Variants in PPM1A observed in about 807,000 individuals in gnomAD.
The protein encoded by PPM1A is protein phosphatase 1A.
In PPM1A, 7 loss-of-function variants were observed where a neutral mutation model predicts 35.0. That is an observed-to-expected ratio of 0.20 (90% CI 0.11 to 0.38). The LOEUF is 0.38. Ranked by LOEUF, PPM1A falls within the 10% of genes least tolerant of loss-of-function variation. PPM1A has a pLI of 1.00. For missense variants in PPM1A, 239 were observed against 467.8 expected (o/e 0.51, Z 4.51); for synonymous variants, 153 against 167.3 (o/e 0.91, Z 0.66).
At chr14:60,291,327 C>G in intron 4 of PPM1A, 70 bp from the exon 5 acceptor site, 2 of 1,066,846 alleles carry the variant, frequency 1.9e-6, no homozygotes, top group Non-Finnish European at 1.4e-6. Context: ...TTAATAAACA[C>G]CTGGCTATGA....
At chr14:60,267,256 A>G (rs1884496193) in intron 1 of PPM1A, 1 of 152,046 alleles carries the variant, frequency 6.6e-6, no homozygotes, top group African/African-American at 2.4e-5. Context: ...TTTCCTGGGA[A>G]TTGTTCTAGT....
In PPM1A at chr14:60,280,869, C is replaced by T. The variant is rs147595401; in HGVS notation, c.-20-1815C>T. ...TTTTTCAAAAAGTCCACAGATAATT[C>T]TGTTGCACAGCCATGGTAGAGACCC... On this transcript the variant is annotated intron_variant, in intron 1 of 5. Transcript: ENST00000395076. Among the ~76,000 whole-genome samples, 526 of 152,334 alleles carry T rather than the reference C, an allele frequency of 3.5e-3. 6 individuals are homozygous for T. The highest frequency in any genetic ancestry group is 0.012 in the African/African-American group (509 of 41,584).
chr14:60,255,820 TC>T (rs1233267174), intron 1 of PPM1A, among the ~76,000 whole-genome samples: 1 of 152,222 alleles, frequency 6.6e-6, no homozygotes, highest in Non-Finnish European at 1.5e-5. Context: ...GGTTGACTGA[TC>T]CTGGACCTAC....
intron 1 of PPM1A, among the ~76,000 whole-genome samples, chr14:60,281,952 ATATAAT>A (rs1307623704): frequency 6.6e-6 from 1 of 152,238 alleles, no homozygotes; most frequent in Non-Finnish European, 1.5e-5. Context: ...TTATGTATAT[ATATAAT>A]TGCTTGCAAC....
chr14:60,274,392 C>T (rs1021257567), intron 1 of PPM1A, among the ~76,000 whole-genome samples: 1 of 151,928 alleles, frequency 6.6e-6, no homozygotes, highest in African/African-American at 2.4e-5. Context: ...AAGAGAGGCA[C>T]ATGGGTAGCT....
intron 1 of PPM1A, among the ~76,000 whole-genome samples, chr14:60,253,715 ATT>A (rs1882713781): frequency 6.6e-6 from 1 of 152,212 alleles, no homozygotes; most frequent in East Asian, 1.9e-4. Context: ...AAAGCTAAAC[ATT>A]TTATGTCTTC....
intron 3 of PPM1A, chr14:60,288,006 C>T: frequency 2.0e-6 from 2 of 980,186 alleles, no homozygotes; most frequent in Non-Finnish European, 2.4e-6. Context: ...AGTCTTTTTA[C>T]AATTCTAAGT....
At chr14:60,286,309 A>G (rs1886999527) in intron 3 of PPM1A, 3 of 985,802 alleles carry the variant, frequency 3.0e-6, no homozygotes, top group South Asian at 4.7e-5. Flanking sequence ...AAAAGACATA[A>G]TATTTCTCCA....
intron 1 of PPM1A, among the ~76,000 whole-genome samples, chr14:60,269,294 A>G (rs1042382481): frequency 1.3e-5 from 2 of 152,120 alleles, no homozygotes; most frequent in Non-Finnish European, 2.9e-5. Context: ...GCATGAATCT[A>G]TCTTTAAATA....
chr14:60,249,362 G>T lies in PPM1A; in HGVS notation c.-336G>T, dbSNP rs1354437627. ...TCCGGAACGGGTGGTTGGGGAGGGG[G>T]GGGTGGGGGGACTCTAGACAGCTGA... On this transcript the variant is annotated 5_prime_UTR_variant, in exon 1 of 6. Transcript: ENST00000395076. The surrounding 1 kb of genome is among the most constrained non-coding windows in gnomAD (Gnocchi z 4.5). The T allele has an allele frequency of 5.1e-6, 5 of 978,622 alleles. No homozygotes were observed. The African/African-American group carries it at 7.0e-5, about 14-fold the overall frequency. 60.6% of individuals were successfully genotyped at this position (978,622 alleles called of 1,614,324 possible). A position where few individuals can be genotyped will look rare whatever the true frequency, so the allele number is the denominator to read the frequency against.
upstream of PPM1A, chr14:60,249,167 GA>G: frequency 1.1e-6 from 1 of 930,450 alleles, no homozygotes; most frequent in Middle Eastern, 5.4e-4. The surrounding 1 kb of genome is among the most constrained non-coding windows in gnomAD (Gnocchi z 4.5). Flanking sequence ...GGGGCGAGCG[GA>G]GGGGTGGGGG....
intron 1 of PPM1A, among the ~76,000 whole-genome samples, chr14:60,252,169 T>G (rs1221960891): frequency 6.6e-6 from 1 of 152,224 alleles, no homozygotes; most frequent in African/African-American, 2.4e-5. Flanking sequence ...ACAGCTGATT[T>G]TGGTTTAACT....
intron 1 of PPM1A, among the ~76,000 whole-genome samples, chr14:60,251,375 G>A (rs1472098847): frequency 1.3e-5 from 2 of 152,142 alleles, no homozygotes; most frequent in Admixed American, 1.3e-4. Context: ...TATTTGGCTT[G>A]TATCTTTTTA....
chr14:60,282,723 A>T lies in PPM1A; in HGVS notation c.20A>T (p.Lys7Met). MGAFLD[K>M]PKMEKHNAQG... ...GACATAATGGGAGCATTTTTAGACA[A>T]GCCAAAGATGGAAAAGCATAATGCC... is the stretch of plus-strand genomic sequence containing the variant. The change falls in exon 2 of 6, where the codon AAG becomes ATG. Residue 7 changes from lysine (K) to methionine (M), a missense_variant. Lys to Met is a moderately conservative substitution (Grantham distance 95, BLOSUM62 -1). Coordinates refer to ENST00000395076, the MANE Select transcript of PPM1A (RefSeq NM_021003.5). This position sits in a 1 kb window ranked among gnomAD's most constrained non-coding sequence, Gnocchi z 5.1. The T allele has an allele frequency of 6.2e-7, 1 of 1,614,240 alleles. No homozygotes were observed. Among genetic ancestry groups the T allele is most frequent in the Non-Finnish European group, 8.5e-7 (1 of 1,180,040 alleles).
Position 60,268,219 on chromosome 14 carries a change from T to C in PPM1A, c.-20-14465T>C, listed in dbSNP as rs541996277. ...AACCTGGAGTGGTTCTTTAGTCTTTTTGCATTTTGTTTTTCATGAGCTCTG... is the reference window on the plus strand; with the variant it reads ...AACCTGGAGTGGTTCTTTAGTCTTTCTGCATTTTGTTTTTCATGAGCTCTG... On this transcript the variant is annotated intron_variant, in intron 1 of 5. Coordinates refer to ENST00000395076, the MANE Select transcript of PPM1A (RefSeq NM_021003.5). The C allele has an allele frequency of 3.9e-5, 33 of 855,010 alleles. No homozygotes were observed. In the East Asian group the frequency reaches 2.5e-3, roughly 64 times the overall value. The allele number at this position is 855,010 out of a possible 1,614,324, so 53.0% of individuals were successfully genotyped here. A position where few individuals can be genotyped will look rare whatever the true frequency, so the allele number is the denominator to read the frequency against.
chr14:60,282,739 G>A lies in PPM1A; in HGVS notation c.36G>A (p.Lys12=). Residue 12 remains lysine, a synonymous_variant, in exon 2 of 6, where the codon AAG becomes AAA. Coordinates refer to ENST00000395076, the MANE Select transcript of PPM1A (RefSeq NM_021003.5). The surrounding 1 kb of genome is among the most constrained non-coding windows in gnomAD (Gnocchi z 5.1). ...TTTTAGACAAGCCAAAGATGGAAAA[G>A]CATAATGCCCAGGGGCAGGGTAATG... is the stretch of plus-strand genomic sequence containing the variant. ...GAFLDKPKME[K]HNAQGQGNGL... 1 of 1,614,236 alleles carries A rather than the reference G, an allele frequency of 6.2e-7. No individual in the cohort carries two copies. The highest frequency in any genetic ancestry group is 8.5e-7 in the Non-Finnish European group (1 of 1,180,040).
At position 60,298,727 on chromosome 14, in the gene PPM1A, T is replaced by G. The variant is rs189794314; in HGVS notation, c.*6245T>G. 7.9e-5 allele frequency: 12 copies of G among 151,868 alleles called. No individual in the cohort carries two copies. The highest frequency in any genetic ancestry group is 7.4e-5 in the Non-Finnish European group (5 of 67,776). The allele number at this position is 151,868 out of a possible 1,614,324, so 9.4% of individuals were successfully genotyped here. A position where few individuals can be genotyped will look rare whatever the true frequency, so the allele number is the denominator to read the frequency against. On this transcript the variant is annotated 3_prime_UTR_variant, in exon 6 of 6. Coordinates refer to ENST00000395076, the MANE Select transcript of PPM1A (RefSeq NM_021003.5). ...GAGACATGTACATGTTAAAAGCATG[T>G]TGCATTATATATTCATTTTTTAAAC...
intron 1 of PPM1A, chr14:60,256,905 T>C (rs1027073084): frequency 4.5e-4 from 69 of 152,352 alleles, no homozygotes; most frequent in African/African-American, 1.6e-3. Flanking sequence ...AAAATCTTTG[T>C]ACATGAAGGG....
At chr14:60,259,723 C>T (rs1016922597) in intron 1 of PPM1A, among the ~76,000 whole-genome samples, 5 of 152,038 alleles carry the variant, frequency 3.3e-5, no homozygotes, top group African/African-American at 1.2e-4. Flanking sequence ...CTAAATAGTT[C>T]TATGCCATGT....
Sources: allele counts gnomAD v4.1 joint callset (sites outside exome capture counted in the v4.1 genomes callset), GRCh38; gene constraint gnomAD v4.1.1; non-coding constraint Gnocchi (gnomAD v3.1); transcripts MANE v1.5; gene names NCBI Gene and HGNC (gene_info 2026-07-23, HGNC 2026-07-21).